Variants in AGPS observed in about 807,000 individuals in gnomAD.
The protein encoded by AGPS is alkylglycerone phosphate synthase.
A neutral mutation model predicts 90.7 loss-of-function variants in AGPS; 26 were observed. The observed-to-expected ratio is 0.29, with a 90% CI of 0.21 to 0.40. The LOEUF (loss-of-function observed/expected upper bound fraction) is 0.40, where lower values mean the gene tolerates loss of function less well. Among genes scored for constraint, AGPS ranks in the 10% least tolerant of loss-of-function variants. AGPS has a pLI of 1.00. For synonymous variants in AGPS, 294 were observed against 285.3 expected, an observed-to-expected ratio of 1.03 and a Z score of -0.31; for missense variants, 540 against 816.1, an observed-to-expected ratio of 0.66 and a Z score of 4.12.
At position 177,506,767 on chromosome 2, in the gene AGPS, G is replaced by A. The variant is rs985375425; in HGVS notation, c.1545+1192G>A. The stretch of plus-strand genomic sequence containing the variant: ...TGATCATGAAAGGTAATAGATGATT[G>A]TAGATCTTGTAAATAATATCTACAA... On this transcript the variant is annotated intron_variant, in intron 15 of 19. Coordinates refer to ENST00000264167, the MANE Select transcript of AGPS (RefSeq NM_003659.4). 4.6e-5 allele frequency among the ~76,000 whole-genome samples: 7 copies of A among 151,902 alleles called. No homozygotes were observed. In the South Asian group the frequency reaches 1.4e-3, roughly 31 times the overall value.
chr2:177,534,552 G>C (rs147890544), intron 19 of AGPS, among the ~76,000 whole-genome samples: 4 of 95,366 alleles, frequency 4.2e-5, no homozygotes, highest in Admixed American at 1.6e-4. Context: ...CCCACCCCCC[G>C]CCCCATTAGT....
rs2079237215 is a variant in AGPS, at chr2:177,541,785, T to C, written c.*3590T>C. The C allele has an allele frequency of 1.3e-5, 2 of 152,216 alleles. No individual in the cohort carries two copies. Among genetic ancestry groups the C allele is most frequent in the Admixed American group, 6.6e-5 (1 of 15,258 alleles). 9.4% of individuals were successfully genotyped at this position (152,216 alleles called of 1,614,324 possible). On this transcript the variant is annotated 3_prime_UTR_variant, in exon 20 of 20. Transcript: ENST00000264167. Reference sequence around the variant, plus strand: ...TTCCCAAATGAGCCATCTGTCAGTATATTCACTTAATTCTTACTAATTTCA... The same window carrying C: ...TTCCCAAATGAGCCATCTGTCAGTACATTCACTTAATTCTTACTAATTTCA...
chr2:177,536,653 C>T (rs1157008330), intron 19 of AGPS, among the ~76,000 whole-genome samples: 3 of 151,994 alleles, frequency 2.0e-5, no homozygotes, highest in Non-Finnish European at 4.4e-5. Context: ...CTCTTAGCTT[C>T]TGGTTTTAGA....
chr2:177,466,769 G>A (rs914987061), intron 9 of AGPS, among the ~76,000 whole-genome samples: 4 of 152,218 alleles, frequency 2.6e-5, no homozygotes, highest in African/African-American at 4.8e-5. Flanking sequence ...ATGGGGAGAA[G>A]CCAGGCGGTG....
intron 19 of AGPS, among the ~76,000 whole-genome samples, chr2:177,535,597 T>C (rs1237414083): frequency 6.6e-6 from 1 of 152,200 alleles, no homozygotes; most frequent in Non-Finnish European, 1.5e-5. Context: ...CCATGTGGGG[T>C]AACTACATAA....
chr2:177,404,221 C>T (rs1431327688), intron 1 of AGPS, among the ~76,000 whole-genome samples: 1 of 151,996 alleles, frequency 6.6e-6, no homozygotes, highest in Admixed American at 6.6e-5. Flanking sequence ...AAGGGGAAAC[C>T]AAAACATGAC....
intron 15 of AGPS, among the ~76,000 whole-genome samples, chr2:177,506,826 A>T (rs957018126): frequency 1.3e-5 from 2 of 151,984 alleles, no homozygotes; most frequent in Non-Finnish European, 1.5e-5. Flanking sequence ...TTCTTCCCAT[A>T]GTAAGCATTT....
At chr2:177,403,311 G>C (rs1390212074) in intron 1 of AGPS, among the ~76,000 whole-genome samples, 1 of 152,306 alleles carries the variant, frequency 6.6e-6, no homozygotes, top group Middle Eastern at 3.4e-3. Flanking sequence ...GATTGGAAGA[G>C]TATTGTTCTA....
At chr2:177,530,820 A>T (rs1219562208) in intron 19 of AGPS, among the ~76,000 whole-genome samples, 1 of 152,174 alleles carries the variant, frequency 6.6e-6, no homozygotes, top group Non-Finnish European at 1.5e-5. Flanking sequence ...TACTTAACTT[A>T]ATCTTCATAG....
At chr2:177,409,800 A>G (rs1248086578) in intron 1 of AGPS, among the ~76,000 whole-genome samples, 1 of 152,148 alleles carries the variant, frequency 6.6e-6, no homozygotes, top group Admixed American at 6.5e-5. Flanking sequence ...AACCATTTAT[A>G]CTTCTACACC....
At chr2:177,411,264 T>C (rs1315154167) in intron 1 of AGPS, among the ~76,000 whole-genome samples, 3 of 152,236 alleles carry the variant, frequency 2.0e-5, no homozygotes, top group Non-Finnish European at 2.9e-5. Context: ...TGGCCTTCAA[T>C]AGAGTCAGTT....
intron 1 of AGPS, among the ~76,000 whole-genome samples, chr2:177,412,028 T>C (rs1017562798): frequency 2.0e-5 from 3 of 152,044 alleles, no homozygotes; most frequent in Non-Finnish European, 2.9e-5. Context: ...TGTGGCTAAA[T>C]TGGGAGGGAC....
At chr2:177,510,045 G>A (rs140628916) in intron 16 of AGPS, among the ~76,000 whole-genome samples, 5 of 152,170 alleles carry the variant, frequency 3.3e-5, no homozygotes, top group African/African-American at 9.6e-5. Flanking sequence ...ACCTTTTAAC[G>A]CGTCTAAGAC....
intron 19 of AGPS, among the ~76,000 whole-genome samples, chr2:177,529,667 A>G (rs533787032): frequency 5.9e-5 from 9 of 152,238 alleles, no homozygotes; most frequent in African/African-American, 1.9e-4. Flanking sequence ...AATAATGTGC[A>G]TTTTTCTGCA....
At position 177,513,866 on chromosome 2, in the gene AGPS, G is replaced by T. The variant is rs1688950481; in HGVS notation, c.1655G>T (p.Cys552Phe). The stretch of plus-strand genomic sequence containing the variant: ...GTAAAAGAAAGAATAACAAGGGAAT[G>T]CAAAGAGAAGGGTGTTCAGTTTGCT... ...RNVKERITRE[C>F]KEKGVQFAPF... The change falls in exon 17 of 20, where the codon TGC becomes TTC. Residue 552 changes from cysteine to phenylalanine, a missense_variant. This residue lies in a region of AGPS where 405 missense variants were observed against 692.1 expected (regional missense o/e 0.59). Coordinates refer to ENST00000264167, the MANE Select transcript of AGPS (RefSeq NM_003659.4). The T allele has an allele frequency of 6.2e-7, 1 of 1,613,584 alleles. No homozygotes were observed. Among genetic ancestry groups the T allele is most frequent in the African/African-American group, 1.3e-5 (1 of 74,886 alleles).
chr2:177,438,432 A>AT (rs1686484887), intron 5 of AGPS, among the ~76,000 whole-genome samples: 6 of 152,214 alleles, frequency 3.9e-5, no homozygotes, highest in Admixed American at 3.9e-4. Flanking sequence ...GTGGAAGTAT[A>AT]TTTTGCTTTA....
intron 2 of AGPS, among the ~76,000 whole-genome samples, chr2:177,432,264 T>C (rs1179228577): frequency 6.6e-6 from 1 of 152,258 alleles, no homozygotes; most frequent in African/African-American, 2.4e-5. Context: ...GGGAAAGTGA[T>C]AAATTGATCT....
intron 3 of AGPS, among the ~76,000 whole-genome samples, chr2:177,436,108 A>G (rs1310053777): frequency 6.7e-6 from 1 of 149,808 alleles, no homozygotes; most frequent in African/African-American, 2.5e-5. Flanking sequence ...TGATCACTTT[A>G]AAATGGCAAT....
chr2:177,512,377 A>C (rs1324914107), intron 16 of AGPS, among the ~76,000 whole-genome samples: 1 of 152,128 alleles, frequency 6.6e-6, no homozygotes, highest in Non-Finnish European at 1.5e-5. Context: ...TTGTTTTATA[A>C]AATTAGATTT....
Sources: gnomAD v4.1 joint callset for allele counts (sites outside exome capture counted in the v4.1 genomes callset) on GRCh38, gnomAD v4.1.1 for gene constraint, gnomAD v4.1.1 regional missense constraint, MANE v1.5 for transcripts, NCBI Gene and HGNC (gene_info 2026-07-23, HGNC 2026-07-21) for gene names.